Variants in BSN observed in about 807,000 individuals in gnomAD.
The protein encoded by BSN is bassoon presynaptic cytomatrix protein, also known as protein bassoon.
A neutral mutation model predicts 264.8 loss-of-function variants in BSN; 57 were observed. That is an observed-to-expected ratio of 0.22 (90% confidence interval 0.17 to 0.27). The LOEUF (loss-of-function observed/expected upper bound fraction) is 0.27. BSN is among the 10% of genes least tolerant of loss of function. The pLI, the probability that BSN is intolerant of heterozygous loss-of-function variation, is 1.00. For synonymous variants in BSN, 2,059 were observed against 2,137.3 expected, an observed-to-expected ratio of 0.96 and a Z score of 1.01; for missense variants, 4,615 against 5,232.5, an observed-to-expected ratio of 0.88 and a Z score of 3.64.
intron 1 of BSN, among the ~76,000 whole-genome samples, chr3:49,617,283 T>TTATATATATATATATATATATA (rs6147817): frequency 1.6e-5 from 2 of 122,084 alleles, no homozygotes. Flanking sequence ...ATAAAATACA[T>TTATATATATATATATATATATA]TATATATATA....
rs1264192265 is a variant in BSN, at chr3:49,643,006, A to T, written c.1372A>T (p.Met458Leu). 6.2e-7 allele frequency: 1 copy of T among 1,613,990 alleles called. No homozygotes were observed. Among genetic ancestry groups the T allele is most frequent in the African/African-American group, 1.3e-5 (1 of 74,934 alleles). Reference sequence around the variant, plus strand: ...GAAGGCTGCTGCCAAGCCAAAGACCATGCCGAAGGAAAGGGCCATCTGCCC... The same window carrying T: ...GAAGGCTGCTGCCAAGCCAAAGACCTTGCCGAAGGAAAGGGCCATCTGCCC... ...ASKAAAKPKTMPKERAICPLC... is the reference protein window; with the variant it reads ...ASKAAAKPKTLPKERAICPLC... Residue 458 changes from methionine (M) to leucine (L), a missense_variant, in exon 3 of 12, where the codon ATG (methionine) becomes TTG (leucine). Coordinates refer to ENST00000296452, the MANE Select transcript of BSN (RefSeq NM_003458.4).
intron 3 of BSN, among the ~76,000 whole-genome samples, chr3:49,648,850 G>T (rs2052518651): frequency 2.6e-5 from 4 of 152,228 alleles, no homozygotes; most frequent in African/African-American, 9.6e-5. Flanking sequence ...GCATCTAAAG[G>T]GTCCCCCTCC....
At chr3:49,586,189 C>G (rs894433343) in intron 1 of BSN, among the ~76,000 whole-genome samples, 5 of 152,048 alleles carry the variant, frequency 3.3e-5, no homozygotes, top group African/African-American at 1.2e-4. Context: ...AGATTTTCCC[C>G]TATGGTTTCC....
chr3:49,598,864 T>C (rs1034793653), intron 1 of BSN, among the ~76,000 whole-genome samples: 4 of 152,212 alleles, frequency 2.6e-5, no homozygotes, highest in African/African-American at 7.2e-5. Flanking sequence ...AAAAGGCATA[T>C]AGATTAGAAA....
At position 49,658,181 on chromosome 3, in the gene BSN, G is replaced by A. The variant is rs367552641; in HGVS notation, c.8625G>A (p.Gly2875=). ...GATTCTCCCTCTACCAGCACCAGGG[G>A]GGACTGGGTAGCCAGGTATGGGAAC... The part of the protein sequence containing the change: ...KERFSLYQHQ[G]GLGSQVSALP... The change falls in exon 5 of 12, where the codon GGG becomes GGA. Residue 2875 remains glycine (G), a synonymous_variant. Transcript: ENST00000296452. The A allele has an allele frequency of 3.8e-6, 6 of 1,571,856 alleles. No homozygotes were observed. The highest frequency in any genetic ancestry group is 5.2e-6 in the Non-Finnish European group (6 of 1,154,158).
At chr3:49,557,772 T>G (rs1421386267) in intron 1 of BSN, among the ~76,000 whole-genome samples, 1 of 152,054 alleles carries the variant, frequency 6.6e-6, no homozygotes. Flanking sequence ...AGAGATGGGA[T>G]TTCACCGTGG....
intron 1 of BSN, 135 bp downstream of exon 1, chr3:49,554,961 T>A: frequency 2.0e-6 from 1 of 498,864 alleles, no homozygotes; most frequent in Non-Finnish European, 3.0e-6. Context: ...CGGATTGGCG[T>A]GAACTGGGTG....
At chr3:49,577,529 T>C (rs544112916) in intron 1 of BSN, among the ~76,000 whole-genome samples, 1 of 138,232 alleles carries the variant, frequency 7.2e-6, no homozygotes, top group South Asian at 2.8e-4. Flanking sequence ...TTCTTTTTTC[T>C]TTTCTTTTCT....
At chr3:49,565,895 C>T (rs1575424791) in intron 1 of BSN, among the ~76,000 whole-genome samples, 1 of 152,136 alleles carries the variant, frequency 6.6e-6, no homozygotes, top group Admixed American at 6.5e-5. Flanking sequence ...CATCTTGACT[C>T]ACTGTAACCT....
intron 1 of BSN, 70 bp from the exon 2 acceptor site, chr3:49,624,905 C>T: frequency 7.0e-7 from 1 of 1,430,826 alleles, no homozygotes. Flanking sequence ...GGTCACCTAG[C>T]TTGGTAGAGA....
intron 1 of BSN, among the ~76,000 whole-genome samples, chr3:49,601,355 T>C (rs2052072277): frequency 6.6e-6 from 1 of 152,212 alleles, no homozygotes; most frequent in Non-Finnish European, 1.5e-5. Context: ...GTGCAGGAGT[T>C]AAGGAGGTTC....
In BSN at chr3:49,652,291, G is replaced by A. The variant is rs1191516020; in HGVS notation, c.2735G>A (p.Gly912Glu). 3 of 1,597,102 alleles carry A rather than the reference G, an allele frequency of 1.9e-6. No homozygotes were observed. The highest frequency in any genetic ancestry group is 2.6e-6 in the Non-Finnish European group (3 of 1,170,736). Residue 912 changes from glycine to glutamate, a missense_variant, in exon 5 of 12, where the codon GGA becomes GAA. This residue lies in a region of BSN where 1,197 missense variants were observed against 1,348.0 expected (regional missense o/e 0.89). Transcript: ENST00000296452. ...TTGYEELLPE[G>E]GSAEATDGSG... ...GGCTATGAGGAGCTGCTCCCTGAGG[G>A]AGGCTCAGCAGAGGCTACCGATGGC...
At chr3:49,557,443 C>A (rs1195865968) in intron 1 of BSN, among the ~76,000 whole-genome samples, 1 of 152,170 alleles carries the variant, frequency 6.6e-6, no homozygotes, top group African/African-American at 2.4e-5. Flanking sequence ...ACACTCGTGA[C>A]ACACTACCAG....
Position 49,653,205 on chromosome 3 carries a change from C to G in BSN, c.3649C>G (p.Gln1217Glu), listed in dbSNP as rs556474480. 20 of 1,611,072 alleles carry G rather than the reference C, an allele frequency of 1.2e-5. No homozygotes were observed. In the African/African-American group the frequency reaches 2.4e-4, roughly 19 times the overall value. The change falls in exon 5 of 12, where the codon CAG becomes GAG. Residue 1217 changes from glutamine to glutamate, a missense_variant. By Grantham distance (29) the Gln-to-Glu change is conservative. Around this residue, in one of 3 missense-constraint regions of BSN, gnomAD observed 3,415 missense variants for 3,866.4 expected, o/e 0.88. Coordinates refer to ENST00000296452, the MANE Select transcript of BSN (RefSeq NM_003458.4). The surrounding 1 kb of genome is among the most constrained non-coding windows in gnomAD (Gnocchi z 6.3). ...GARGPHGGPS[Q>E]PTGPRGLGSF... ...CCGGGGACCCCATGGCGGCCCCTCT[C>G]AGCCCACAGGCCCCCGGGGCCTGGG...
At chr3:49,672,851 C>T (rs2052820677), downstream of BSN, among the ~76,000 whole-genome samples, 1 of 146,408 alleles carries the variant, frequency 6.8e-6, no homozygotes, top group Admixed American at 6.9e-5. Context: ...GCGATCTCGG[C>T]TCACTGCAAG....
Position 49,653,556 on chromosome 3 carries a change from G to A in BSN, c.4000G>A (p.Gly1334Ser), listed in dbSNP as rs753632869. ...STPTSSDSSG[G>S]RVIPDVRVTQ... ...CCCCACCTCCTCAGACAGCAGCGGG[G>A]GCCGAGTTATTCCCGATGTCCGTGT... is the stretch of plus-strand genomic sequence containing the variant. Residue 1334 changes from glycine to serine, a missense_variant, in exon 5 of 12, where the codon GGC becomes AGC. Physicochemically the swap from Gly to Ser is moderately conservative, Grantham distance 56. Around this residue, in one of 3 missense-constraint regions of BSN, gnomAD observed 3,415 missense variants for 3,866.4 expected, o/e 0.88. Coordinates refer to ENST00000296452, the MANE Select transcript of BSN (RefSeq NM_003458.4). This position sits in a 1 kb window ranked among gnomAD's most constrained non-coding sequence, Gnocchi z 6.3. 2.5e-6 allele frequency: 4 copies of A among 1,613,804 alleles called. No individual in the cohort carries two copies. The highest frequency in any genetic ancestry group is 3.4e-6 in the Non-Finnish European group (4 of 1,179,958).
rs547476220 is a variant in BSN at position 49,602,698 on chromosome 3, G to T, written c.225-22277G>T. ...TGACCTCAAGTGATCCATCCGCTTG[G>T]CCTCCCAAAGTGCTGGGATTACAGG... On this transcript the variant is annotated intron_variant, in intron 1 of 11. Transcript: ENST00000296452. Among the ~76,000 whole-genome samples, 198 of 152,262 alleles carry T rather than the reference G, an allele frequency of 1.3e-3. 1 individual carries two copies. Among genetic ancestry groups the T allele is most frequent in the Non-Finnish European group, 2.4e-3 (163 of 68,020 alleles).
intron 1 of BSN, among the ~76,000 whole-genome samples, chr3:49,577,016 G>T (rs765594305): frequency 1.3e-5 from 2 of 152,184 alleles, no homozygotes; most frequent in Non-Finnish European, 2.9e-5. Context: ...TTTTTTTCTA[G>T]TGCAGTCCAT....
rs148234771 is a variant in BSN at position 49,661,693 on chromosome 3, G to C, written c.9848G>C (p.Cys3283Ser). 1.9e-6 allele frequency: 3 copies of C among 1,613,636 alleles called. No homozygotes were observed. The African/African-American group carries it at 4.0e-5, about 22-fold the overall frequency. Residue 3283 changes from cysteine (C) to serine (S), a missense_variant, in exon 6 of 12, where the codon TGC becomes TCC. Cys to Ser is a moderately radical substitution (Grantham distance 112). This residue lies in a region of BSN where 3,415 missense variants were observed against 3,866.4 expected (regional missense o/e 0.88). Coordinates refer to ENST00000296452, the MANE Select transcript of BSN (RefSeq NM_003458.4). ...CTTGACGGGCCCACACTGCCCTGCTGCTATGCCAGAGGAGAAGAGGAATCT... is the reference window on the plus strand; with the variant it reads ...CTTGACGGGCCCACACTGCCCTGCTCCTATGCCAGAGGAGAAGAGGAATCT... ...GVLDGPTLPC[C>S]YARGEEESEE...
Sources: gnomAD v4.1 joint callset for allele counts (sites outside exome capture counted in the v4.1 genomes callset) on GRCh38, gnomAD v4.1.1 for gene constraint, gnomAD v4.1.1 regional missense constraint, Gnocchi (gnomAD v3.1) non-coding constraint, MANE v1.5 for transcripts, NCBI Gene and HGNC (gene_info 2026-07-23, HGNC 2026-07-21) for gene names.